Variants in FN3K observed in about 807,000 individuals in gnomAD.
FN3K encodes fructosamine 3 kinase.
Under a neutral mutation model 24.8 loss-of-function variants are expected in FN3K, and 24 were observed. The ratio of observed to expected loss-of-function variants is 0.97; its 90% confidence interval spans 0.70 to 1.36. The LOEUF is 1.36. Ranked by LOEUF, FN3K falls within the 40% of genes most tolerant of loss-of-function variation. The probability of loss-of-function intolerance (pLI) is 0.00; values close to 1 mark genes in which losing one functional copy is unlikely to be tolerated. For missense variants in FN3K, 449 were observed against 416.7 expected (o/e 1.08, Z -0.67); for synonymous variants, 192 against 175.2 (o/e 1.10, Z -0.76).
intron 3 of FN3K, 55 bp downstream of exon 3, chr17:82,740,909 A>G: frequency 8.7e-7 from 1 of 1,156,018 alleles, no homozygotes; most frequent in African/African-American, 1.5e-5. Flanking sequence ...TCTACCCTAG[A>G]TGGGTGCTCA....
At chr17:82,739,915 GTTTT>G (rs2046931565) in intron 2 of FN3K, among the ~76,000 whole-genome samples, 1 of 144,984 alleles carries the variant, frequency 6.9e-6, no homozygotes, top group Non-Finnish European at 1.5e-5. Context: ...TTTTTTTTTT[GTTTT>G]TTGAGACAGA....
At chr17:82,739,519 G>A (rs907690553) in intron 2 of FN3K, among the ~76,000 whole-genome samples, 3 of 149,742 alleles carry the variant, frequency 2.0e-5, no homozygotes, top group Non-Finnish European at 4.4e-5. Context: ...GTGCAGTGGC[G>A]CGATCTTGGC....
In FN3K at chr17:82,738,598, C is replaced by T; in HGVS notation, c.251C>T (p.Ala84Val). 21 of 1,614,050 alleles carry T rather than the reference C, an allele frequency of 1.3e-5. No individual in the cohort carries two copies. Among genetic ancestry groups the T allele is most frequent in the Non-Finnish European group, 1.8e-5 (21 of 1,180,012 alleles). ...GTCATCGACCTGCCGGGAGGTGGGG[C>T]CGCCTTTGTGATGGAGCATTTGAAG... ...MKVIDLPGGG[A>V]AFVMEHLKMK... Residue 84 changes from alanine (A) to valine (V), a missense_variant, in exon 2 of 6, where the codon GCC (alanine) becomes GTC (valine). Transcript: ENST00000300784.
intron 4 of FN3K, among the ~76,000 whole-genome samples, chr17:82,747,782 G>C (rs2046976805): frequency 6.6e-6 from 1 of 152,222 alleles, no homozygotes; most frequent in Non-Finnish European, 1.5e-5. Flanking sequence ...TGCATGGAGA[G>C]AGAAATCCTA....
chr17:82,738,678 A>G (rs1476739134), intron 2 of FN3K, 38 bp downstream of exon 2: 1 of 1,610,230 alleles, frequency 6.2e-7, no homozygotes, highest in African/African-American at 1.3e-5. Context: ...ACATGTGTAC[A>G]GGCAGAGAGA....
At chr17:82,744,413 C>T (rs1317879277) in intron 4 of FN3K, among the ~76,000 whole-genome samples, 8 of 152,156 alleles carry the variant, frequency 5.3e-5, no homozygotes, top group African/African-American at 1.4e-4. Flanking sequence ...AAAGGTTCCT[C>T]GTGCCCTTCC....
rs753203686 is a variant in FN3K at position 82,750,554 on chromosome 17, G to A, written c.729G>A (p.Glu243=). 2 of 1,614,156 alleles carry A rather than the reference G, an allele frequency of 1.2e-6. No individual in the cohort carries two copies. Among genetic ancestry groups the A allele is most frequent in the South Asian group, 1.1e-5 (1 of 91,076 alleles). ...CGGCTTCCTTCTATGGCCATTCCGA[G>A]TTTGAACTGGCAATCGCCTTGATGT... is the stretch of plus-strand genomic sequence containing the variant. ...YDPASFYGHS[E]FELAIALMFG... The change falls in exon 6 of 6, where the codon GAG becomes GAA. Residue 243 remains glutamate (E), a synonymous_variant. Coordinates refer to ENST00000300784, the MANE Select transcript of FN3K (RefSeq NM_022158.4).
At chr17:82,747,923 C>G (rs79009472) in intron 4 of FN3K, among the ~76,000 whole-genome samples, 1 of 152,158 alleles carries the variant, frequency 6.6e-6, no homozygotes, top group African/African-American at 2.4e-5. Context: ...AGGGCTTCAA[C>G]GTAGGAACGG....
At chr17:82,743,542 G>A (rs572863008) in intron 4 of FN3K, among the ~76,000 whole-genome samples, 18 of 152,296 alleles carry the variant, frequency 1.2e-4, no homozygotes, top group Middle Eastern at 6.8e-3. Flanking sequence ...GCTGAGCGGC[G>A]GGCTCCTCAG....
chr17:82,743,650 C>T (rs974287330), intron 4 of FN3K, among the ~76,000 whole-genome samples: 30 of 152,250 alleles, frequency 2.0e-4, no homozygotes, highest in African/African-American at 7.2e-4. Flanking sequence ...CCCTTCTAAG[C>T]ACTTCACTGA....
rs2047016078 is a variant in FN3K, at chr17:82,750,788, CCCGTCTCCGTCTCCCCGT to C, written c.*36_*53del. On this transcript the variant is annotated 3_prime_UTR_variant, in exon 6 of 6. Transcript: ENST00000300784. Reference sequence around the variant, plus strand: ...TGCCCTCCCTTCCCCTGTCCCCGTCCCCGTCTCCGTCTCCCCGTCCCTGTCCCCCCGTCCCCCGTCCCT... The same window carrying C: ...TGCCCTCCCTTCCCCTGTCCCCGTCCCCCTGTCCCCCCGTCCCCCGTCCCT... 1 of 1,560,274 alleles carries C rather than the reference CCCGTCTCCGTCTCCCCGT, an allele frequency of 6.4e-7. No homozygotes were observed. The highest frequency in any genetic ancestry group is 1.5e-5 in the African/African-American group (1 of 65,440).
At chr17:82,741,627 G>A (rs1461587987) in intron 4 of FN3K, 6 of 489,736 alleles carry the variant, frequency 1.2e-5, no homozygotes, top group Admixed American at 6.3e-5. Flanking sequence ...CAAGCAGAGC[G>A]AGCCTCAAGT....
intron 4 of FN3K, among the ~76,000 whole-genome samples, chr17:82,743,188 G>T (rs1464402068): frequency 6.6e-6 from 1 of 152,208 alleles, no homozygotes; most frequent in African/African-American, 2.4e-5. Flanking sequence ...GAGGTCAAGG[G>T]CTGCAAGTGG....
chr17:82,738,203 G>T (rs1286967808), intron 1 of FN3K: 2 of 428,644 alleles, frequency 4.7e-6, no homozygotes, highest in Admixed American at 3.5e-5. Flanking sequence ...CACGCCCTCA[G>T]TGCTCCCGGG....
chr17:82,749,791 C>G (rs2046990448), intron 5 of FN3K: 1 of 161,096 alleles, frequency 6.2e-6, no homozygotes, highest in African/African-American at 2.4e-5. Context: ...CACGGTGGCT[C>G]AAGCCTGTAA....
chr17:82,748,150 TTTTC>T (rs1240123943), intron 4 of FN3K, among the ~76,000 whole-genome samples: 1 of 151,802 alleles, frequency 6.6e-6, no homozygotes, highest in Non-Finnish European at 1.5e-5. Context: ...TTCTTTTTTT[TTTTC>T]TTTTTTTTTT....
In FN3K at chr17:82,748,997, C is replaced by A; in HGVS notation, c.591+20C>A. ...CTACAGGTGGGCACGGCAGTGACTT[C>A]TCTGGGAAAGAGCTGGTCCTCTCAT... On this transcript the variant is annotated intron_variant, in intron 5 of 5. Coordinates refer to ENST00000300784, the MANE Select transcript of FN3K (RefSeq NM_022158.4). The A allele has an allele frequency of 2.5e-6, 4 of 1,614,060 alleles. No homozygotes were observed. Among genetic ancestry groups the A allele is most frequent in the Non-Finnish European group, 3.4e-6 (4 of 1,179,986 alleles).
intron 1 of FN3K, among the ~76,000 whole-genome samples, chr17:82,737,062 G>C (rs1463870308): frequency 6.6e-6 from 1 of 152,188 alleles, no homozygotes; most frequent in Non-Finnish European, 1.5e-5. Flanking sequence ...CCCTGGAGCA[G>C]GGCTGGGGTG....
intron 4 of FN3K, among the ~76,000 whole-genome samples, chr17:82,743,622 C>T (rs992444997): frequency 1.3e-5 from 2 of 152,236 alleles, no homozygotes; most frequent in African/African-American, 4.8e-5. Context: ...ATGCTCTGTA[C>T]ACTGCCACAT....
Sources: allele counts gnomAD v4.1 joint callset (sites outside exome capture counted in the v4.1 genomes callset), GRCh38; gene constraint gnomAD v4.1.1; transcripts MANE v1.5; gene names NCBI Gene and HGNC (gene_info 2026-07-23, HGNC 2026-07-21).